The following AASS variants were observed in gnomAD, a reference collection of about 807,000 sequenced individuals.
AASS encodes the protein alpha-aminoadipic semialdehyde synthase, mitochondrial.
A neutral mutation model predicts 105.4 loss-of-function variants in AASS; 86 were observed. The observed-to-expected ratio is 0.82, with a 90% CI of 0.69 to 0.98. AASS has a LOEUF of 0.98. Ranked by LOEUF, AASS falls within the 50% of genes least tolerant of loss-of-function variation. The pLI is 0.00. For synonymous variants in AASS, 381 were observed against 394.8 expected (o/e 0.96, Z 0.41); for missense variants, 1,048 against 1,143.2 (o/e 0.92, Z 1.20).
intron 11 of AASS, among the ~76,000 whole-genome samples, chr7:122,106,903 A>C (rs1439211949): frequency 6.6e-6 from 1 of 152,024 alleles, no homozygotes; most frequent in East Asian, 1.9e-4. Context: ...AATGGGATCT[A>C]ATTAAACTAA....
chr7:122,107,267 G>A (rs563969040), intron 11 of AASS, among the ~76,000 whole-genome samples: 4 of 152,226 alleles, frequency 2.6e-5, no homozygotes, highest in African/African-American at 7.2e-5. Context: ...GGAGAAAAAC[G>A]AATGCTTATA....
At chr7:122,114,682 C>T (rs1001343366) in intron 9 of AASS, among the ~76,000 whole-genome samples, 1 of 152,116 alleles carries the variant, frequency 6.6e-6, no homozygotes, top group Non-Finnish European at 1.5e-5. Flanking sequence ...CAAGAGAAGA[C>T]TTCTCTGAGC....
At position 122,129,412 on chromosome 7, in the gene AASS, T is replaced by C. The variant is rs1467146932; in HGVS notation, c.336A>G (p.Thr112=). The change falls in exon 3 of 24, where the codon ACA becomes ACG. Residue 112 remains threonine, a synonymous_variant. Coordinates refer to ENST00000417368, the MANE Select transcript of AASS (RefSeq NM_005763.4). ...SRKTYAFFSH[T]IKAQEANMGL... ...CCATATTGGCCTCCTGAGCTTTTAT[T>C]GTGTGGGAGAAAAATGCATAAGTCT... 2.5e-6 allele frequency: 4 copies of C among 1,613,184 alleles called. No individual in the cohort carries two copies. The highest frequency in any genetic ancestry group is 3.4e-6 in the Non-Finnish European group (4 of 1,179,440).
chr7:122,082,388 A>G (rs1047233254), intron 19 of AASS, among the ~76,000 whole-genome samples: 8 of 152,092 alleles, frequency 5.3e-5, no homozygotes, highest in Non-Finnish European at 7.3e-5. Context: ...ACACTTCTTC[A>G]TTTATGAAAT....
At chr7:122,088,113 C>T (rs762736234) in intron 18 of AASS, among the ~76,000 whole-genome samples, 1 of 152,074 alleles carries the variant, frequency 6.6e-6, no homozygotes, top group Non-Finnish European at 1.5e-5. Flanking sequence ...ACATATTTGT[C>T]TGTTTTGCAG....
intron 11 of AASS, among the ~76,000 whole-genome samples, chr7:122,108,995 A>G (rs1185928673): frequency 6.6e-6 from 1 of 152,078 alleles, no homozygotes; most frequent in Non-Finnish European, 1.5e-5. Context: ...AATTAGTAGC[A>G]TTTCTATATG....
intron 3 of AASS, among the ~76,000 whole-genome samples, chr7:122,127,876 C>T (rs1342763499): frequency 6.6e-6 from 1 of 152,132 alleles, no homozygotes; most frequent in Non-Finnish European, 1.5e-5. Context: ...AGAAGCCGCC[C>T]TCCTGAGCTT....
At chr7:122,142,766 A>AAAAG (rs1400304902) in intron 1 of AASS, among the ~76,000 whole-genome samples, 1 of 152,238 alleles carries the variant, frequency 6.6e-6, no homozygotes, top group Non-Finnish European at 1.5e-5. Flanking sequence ...GAAAATTAAT[A>AAAAG]AAAGAATATA....
chr7:122,120,918 T>C (rs957000482), intron 4 of AASS, among the ~76,000 whole-genome samples: 12 of 152,140 alleles, frequency 7.9e-5, no homozygotes, highest in African/African-American at 2.9e-4. Flanking sequence ...ACATACTGTA[T>C]GATTTCAGAC....
intron 19 of AASS, among the ~76,000 whole-genome samples, chr7:122,085,553 G>A (rs1793581579): frequency 6.6e-6 from 1 of 151,998 alleles, no homozygotes; most frequent in African/African-American, 2.4e-5. Context: ...GGCCAAAGTA[G>A]ATGGGCACAT....
intron 1 of AASS, among the ~76,000 whole-genome samples, chr7:122,137,860 GT>G (rs1366895815): frequency 6.6e-6 from 1 of 152,156 alleles, no homozygotes; most frequent in East Asian, 1.9e-4. Context: ...GAAGATCAGG[GT>G]TTACTCACCA....
In AASS at chr7:122,113,714, C is replaced by T. The variant is rs1287156896; in HGVS notation, c.1050G>A (p.Val350=). 6.2e-7 allele frequency: 1 copy of T among 1,612,608 alleles called. No homozygotes were observed. Among genetic ancestry groups the T allele is most frequent in the Non-Finnish European group, 8.5e-7 (1 of 1,179,826 alleles). The change falls in exon 10 of 24, where the codon GTG becomes GTA. Residue 350 remains valine, a synonymous_variant. Transcript: ENST00000417368. ...EGCPALPHKL[V]AICDISADTG... Reference sequence around the variant, plus strand: ...TGTCAGCTGAAATGTCACATATTGCCACGAGTCTGAAAATAACATCAATAC... The same window carrying T: ...TGTCAGCTGAAATGTCACATATTGCTACGAGTCTGAAAATAACATCAATAC...
intron 15 of AASS, among the ~76,000 whole-genome samples, chr7:122,093,392 G>T (rs1233677618): frequency 2.0e-5 from 3 of 152,160 alleles, no homozygotes; most frequent in Non-Finnish European, 2.9e-5. Flanking sequence ...CTTAGCAATC[G>T]CATTACTGGT....
chr7:122,097,551 G>T (rs2150520979), intron 15 of AASS, among the ~76,000 whole-genome samples: 1 of 152,026 alleles, frequency 6.6e-6, no homozygotes, highest in Middle Eastern at 3.4e-3. Flanking sequence ...AGGCCCTGAT[G>T]TCTGTTGTTC....
In AASS at chr7:122,122,319, A is replaced by C. The variant is rs71571063; in HGVS notation, c.473-3689T>G. On this transcript the variant is annotated intron_variant, in intron 4 of 23. Transcript: ENST00000417368. Reference sequence around the variant, plus strand: ...GCATAAAGAGAGAAAAAGACTGAGAAAAAAAAACAGAATTTAAGTGACAGG... The same window carrying C: ...GCATAAAGAGAGAAAAAGACTGAGACAAAAAAACAGAATTTAAGTGACAGG... Among the ~76,000 whole-genome samples, 263 of 152,226 alleles carry C rather than the reference A, an allele frequency of 1.7e-3. 1 individual carries two copies. The highest frequency in any genetic ancestry group is 3.2e-3 in the Non-Finnish European group (220 of 68,008).
chr7:122,113,856 G>T, intron 9 of AASS, 136 bp from the exon 10 acceptor site: 1 of 899,164 alleles, frequency 1.1e-6, no homozygotes. Flanking sequence ...TTTTCCTATA[G>T]CTCATTCTTC....
chr7:122,137,102 T>C (rs946768231), intron 1 of AASS, among the ~76,000 whole-genome samples: 1 of 152,238 alleles, frequency 6.6e-6, no homozygotes, highest in African/African-American at 2.4e-5. Flanking sequence ...TAACTTTCAT[T>C]ATTTAAACAA....
chr7:122,107,528 T>C (rs1480363267), intron 11 of AASS, among the ~76,000 whole-genome samples: 1 of 152,002 alleles, frequency 6.6e-6, no homozygotes, highest in African/African-American at 2.4e-5. Flanking sequence ...TGATAGACTG[T>C]ATAAAGAACA....
chr7:122,084,557 G>A (rs1793527498), intron 19 of AASS, among the ~76,000 whole-genome samples: 1 of 152,006 alleles, frequency 6.6e-6, no homozygotes, highest in African/African-American at 2.4e-5. Context: ...TCACTTACAT[G>A]CAGAATTTTT....
Sources: gnomAD v4.1 joint callset for allele counts (sites outside exome capture counted in the v4.1 genomes callset) on GRCh38, gnomAD v4.1.1 for gene constraint, MANE v1.5 for transcripts, NCBI Gene and HGNC (gene_info 2026-07-23, HGNC 2026-07-21) for gene names.